Variants in SPEF2 observed in about 807,000 individuals in gnomAD.
SPEF2 encodes sperm flagella and cilia-associated protein 2.
Under a neutral mutation model 224.6 loss-of-function variants are expected in SPEF2, and 187 were observed. The ratio of observed to expected loss-of-function variants is 0.83; its 90% confidence interval spans 0.74 to 0.94. The LOEUF (loss-of-function observed/expected upper bound fraction) is 0.94, where lower values mean the gene tolerates loss of function less well. SPEF2 is among the 40% of genes least tolerant of loss of function. The probability of loss-of-function intolerance (pLI) is 0.00; values close to 1 mark genes in which losing one functional copy is unlikely to be tolerated. For missense variants in SPEF2, 2,170 were observed against 2,135.6 expected (o/e 1.02, Z -0.32); for synonymous variants, 715 against 707.3 (o/e 1.01, Z -0.17).
chr5:35,621,322 G>T (rs73747486), intron 1 of SPEF2, among the ~76,000 whole-genome samples: 14,552 of 152,070 alleles, frequency 0.096, 859 homozygotes, highest in East Asian at 0.17. Context: ...CCTTTACATA[G>T]ATTTTCTTAT....
chr5:35,813,101 A>C (rs556348466), intron 36 of SPEF2, among the ~76,000 whole-genome samples: 1 of 152,224 alleles, frequency 6.6e-6, no homozygotes, highest in African/African-American at 2.4e-5. Flanking sequence ...TCAGATAATC[A>C]CAAGTTAGCT....
At chr5:35,724,651 C>T (rs1744324806) in intron 20 of SPEF2, among the ~76,000 whole-genome samples, 1 of 152,176 alleles carries the variant, frequency 6.6e-6, no homozygotes, top group South Asian at 2.1e-4. Flanking sequence ...TGGGTTACCT[C>T]TGGCAAGTTA....
chr5:35,768,069 T>A (rs1274425628), intron 26 of SPEF2, among the ~76,000 whole-genome samples: 1 of 152,146 alleles, frequency 6.6e-6, no homozygotes, highest in Non-Finnish European at 1.5e-5. Flanking sequence ...TAATCTGTAT[T>A]TTGTTAGTTG....
intron 12 of SPEF2, among the ~76,000 whole-genome samples, chr5:35,693,765 G>T (rs1393409363): frequency 6.6e-6 from 1 of 152,162 alleles, no homozygotes; most frequent in African/African-American, 2.4e-5. Context: ...CAGATCATTT[G>T]CATAGCCTGC....
chr5:35,661,939 C>T (rs1477220784), intron 8 of SPEF2, among the ~76,000 whole-genome samples: 1 of 152,120 alleles, frequency 6.6e-6, no homozygotes, highest in East Asian at 1.9e-4. Context: ...TGGGTATAAA[C>T]CCAGTAATGG....
At chr5:35,743,201 A>T (rs2149699397) in intron 23 of SPEF2, among the ~76,000 whole-genome samples, 1 of 152,078 alleles carries the variant, frequency 6.6e-6, no homozygotes, top group Non-Finnish European at 1.5e-5. Context: ...AATAAATATA[A>T]CTTCAAAAAG....
chr5:35,674,655 G>T (rs1341468191), intron 10 of SPEF2, among the ~76,000 whole-genome samples: 1 of 150,772 alleles, frequency 6.6e-6, no homozygotes, highest in Non-Finnish European at 1.5e-5. Context: ...GCGATAGTTT[G>T]CTGAGAATGA....
chr5:35,730,415 A>G (rs1006277714), intron 21 of SPEF2, among the ~76,000 whole-genome samples: 1 of 152,240 alleles, frequency 6.6e-6, no homozygotes, highest in African/African-American at 2.4e-5. Flanking sequence ...ACTCACATTC[A>G]ACCAACCTGT....
intron 30 of SPEF2, among the ~76,000 whole-genome samples, chr5:35,786,198 T>G (rs1196294703): frequency 6.6e-6 from 1 of 152,206 alleles, no homozygotes; most frequent in Admixed American, 6.5e-5. Context: ...CCAGGTGTAG[T>G]GCAACTGGCC....
chr5:35,695,455 A>G (rs79071926), intron 13 of SPEF2, among the ~76,000 whole-genome samples: 16,776 of 152,018 alleles, frequency 0.11, 1,379 homozygotes, highest in East Asian at 0.38. Context: ...AGTATTCCTA[A>G]TGATATTTTT....
chr5:35,643,096 G>A (rs1028198586), intron 3 of SPEF2, among the ~76,000 whole-genome samples: 4 of 152,188 alleles, frequency 2.6e-5, no homozygotes, highest in East Asian at 1.9e-4. Flanking sequence ...ACTAACTGGA[G>A]TGGAGTTTAT....
At chr5:35,664,039 C>A (rs1750092848) in intron 8 of SPEF2, among the ~76,000 whole-genome samples, 1 of 152,146 alleles carries the variant, frequency 6.6e-6, no homozygotes, top group Non-Finnish European at 1.5e-5. Flanking sequence ...CAAGTCATTT[C>A]TTCTACTTTG....
chr5:35,713,493 T>C (rs1240269142), intron 20 of SPEF2, among the ~76,000 whole-genome samples: 1 of 151,752 alleles, frequency 6.6e-6, no homozygotes, highest in Non-Finnish European at 1.5e-5. Context: ...CCCATCAGTT[T>C]GGGAGGCTGA....
intron 9 of SPEF2, 77 bp from the exon 10 acceptor site, chr5:35,669,982 T>C: frequency 8.5e-7 from 1 of 1,170,056 alleles, no homozygotes; most frequent in East Asian, 2.5e-5. Context: ...ATTACATAAA[T>C]ATAATAAAAA....
rs748178047 is a variant in SPEF2, at chr5:35,670,041, C to CT, written c.1356-10dup. On this transcript the variant is annotated splice_polypyrimidine_tract_variant and intron_variant, in intron 9 of 36. Transcript: ENST00000356031. ...TGACTAACCATTGATTCATCTCTAC[C>CT]TTTTTTTTGTGCGATAGTCTGATTC... 7.5e-5 allele frequency: 118 copies of CT among 1,566,656 alleles called. No individual in the cohort carries two copies. The highest frequency in any genetic ancestry group is 1.8e-4 in the African/African-American group (13 of 72,292).
chr5:35,779,384 A>C, intron 30 of SPEF2, 38 bp downstream of exon 30: 10 of 1,506,362 alleles, frequency 6.6e-6, no homozygotes, highest in Non-Finnish European at 9.1e-6. Context: ...GCACAAAAAA[A>C]GGTTAAGATT....
intron 30 of SPEF2, among the ~76,000 whole-genome samples, chr5:35,782,982 T>C (rs1354935226): frequency 6.6e-6 from 1 of 152,146 alleles, no homozygotes. Context: ...CAAAATGCAA[T>C]GAAACAGTTG....
intron 8 of SPEF2, among the ~76,000 whole-genome samples, chr5:35,664,627 C>G (rs1003031248): frequency 3.3e-5 from 5 of 150,978 alleles, no homozygotes; most frequent in Admixed American, 2.0e-4. Flanking sequence ...TTGTAGTGAG[C>G]CGAGATAACT....
intron 10 of SPEF2, chr5:35,671,085 A>G: frequency 4.1e-6 from 4 of 985,406 alleles, no homozygotes; most frequent in Non-Finnish European, 4.8e-6. Flanking sequence ...GAGGCTTTTT[A>G]TTAGAAAAAT....
Sources: allele counts gnomAD v4.1 joint callset (sites outside exome capture counted in the v4.1 genomes callset), GRCh38; gene constraint gnomAD v4.1.1; transcripts MANE v1.5; gene names NCBI Gene and HGNC (gene_info 2026-07-23, HGNC 2026-07-21).